The following HS3ST3A1 variants were observed in gnomAD, a reference collection of about 807,000 sequenced individuals.
HS3ST3A1 encodes the protein heparan sulfate-glucosamine 3-sulfotransferase 3A1.
In HS3ST3A1, 19 loss-of-function variants were observed where a neutral mutation model predicts 25.7. The observed-to-expected ratio is 0.74, with a 90% CI of 0.52 to 1.08. HS3ST3A1 has a LOEUF of 1.08. HS3ST3A1 is among the 50% of genes least tolerant of loss of function. The pLI is 0.00. For synonymous variants in HS3ST3A1, 226 were observed against 278.6 expected, an observed-to-expected ratio of 0.81 and a Z score of 1.88; for missense variants, 459 against 594.3, an observed-to-expected ratio of 0.77 and a Z score of 2.37.
intron 1 of HS3ST3A1, among the ~76,000 whole-genome samples, chr17:13,550,865 G>A (rs1180306067): frequency 6.6e-6 from 1 of 152,050 alleles, no homozygotes; most frequent in East Asian, 1.9e-4. Flanking sequence ...TCCGAAGATC[G>A]AGACCATCCT....
chr17:13,539,687 A>G (rs1906873555), intron 1 of HS3ST3A1, among the ~76,000 whole-genome samples: 1 of 151,882 alleles, frequency 6.6e-6, no homozygotes, highest in Admixed American at 6.6e-5. Flanking sequence ...AAGACAAAAC[A>G]CCTTATTTAT....
intron 1 of HS3ST3A1, among the ~76,000 whole-genome samples, chr17:13,521,562 A>G (rs1779296716): frequency 6.6e-6 from 1 of 152,186 alleles, no homozygotes; most frequent in Non-Finnish European, 1.5e-5. Flanking sequence ...GGACACTTAG[A>G]GAGGCATTCG....
chr17:13,508,966 T>TTA (rs1905774110), intron 1 of HS3ST3A1, among the ~76,000 whole-genome samples: 1 of 149,906 alleles, frequency 6.7e-6, no homozygotes, highest in African/African-American at 2.5e-5. Flanking sequence ...CTCTTTAATT[T>TTA]TTTTTTTTTT....
intron 1 of HS3ST3A1, among the ~76,000 whole-genome samples, chr17:13,517,798 C>G (rs1030766903): frequency 2.0e-5 from 3 of 152,246 alleles, no homozygotes; most frequent in African/African-American, 7.2e-5. Flanking sequence ...ATTACAGGCG[C>G]CTGCCACCAT....
At chr17:13,520,482 A>C (rs927607792) in intron 1 of HS3ST3A1, among the ~76,000 whole-genome samples, 7 of 152,252 alleles carry the variant, frequency 4.6e-5, no homozygotes, top group African/African-American at 1.7e-4. Context: ...GAATAGGAAC[A>C]AAAATCTAGG....
intron 1 of HS3ST3A1, among the ~76,000 whole-genome samples, chr17:13,545,359 C>T (rs947725652): frequency 6.6e-6 from 1 of 152,224 alleles, no homozygotes; most frequent in African/African-American, 2.4e-5. Flanking sequence ...ACTCTTCCCC[C>T]AGTAACTCCT....
intron 1 of HS3ST3A1, among the ~76,000 whole-genome samples, chr17:13,520,875 G>A (rs34254550): frequency 0.11 from 16,074 of 152,162 alleles, 1,032 homozygotes; most frequent in Non-Finnish European, 0.15. Context: ...ACCTCCCAAA[G>A]TGGTGGGATC....
At chr17:13,554,794 C>T (rs1376404020) in intron 1 of HS3ST3A1, among the ~76,000 whole-genome samples, 2 of 152,142 alleles carry the variant, frequency 1.3e-5, no homozygotes, top group Non-Finnish European at 2.9e-5. Context: ...GAGGATTTAA[C>T]AGATACCACC....
intron 1 of HS3ST3A1, among the ~76,000 whole-genome samples, chr17:13,510,732 T>C (rs1056062163): frequency 2.6e-5 from 4 of 151,582 alleles, no homozygotes; most frequent in African/African-American, 9.7e-5. Context: ...TTATACGAAG[T>C]CTTGCTCTGT....
At chr17:13,574,574 G>A (rs977338532) in intron 1 of HS3ST3A1, among the ~76,000 whole-genome samples, 6 of 151,754 alleles carry the variant, frequency 4.0e-5, no homozygotes, top group East Asian at 4.0e-4. Flanking sequence ...AAAAATTAGC[G>A]GGACATGGTG....
chr17:13,496,129 C>T lies in HS3ST3A1; in HGVS notation c.*68G>A, dbSNP rs1905257052. 8.5e-6 allele frequency: 12 copies of T among 1,411,108 alleles called. No individual in the cohort carries two copies. In the East Asian group the frequency reaches 1.0e-4, roughly 12 times the overall value. 87.4% of individuals were successfully genotyped at this position (1,411,108 alleles called of 1,614,324 possible). On this transcript the variant is annotated 3_prime_UTR_variant, in exon 2 of 2. Coordinates refer to ENST00000284110, the MANE Select transcript of HS3ST3A1 (RefSeq NM_006042.3). ...ATTTTCAGCACAAATATTAAACTGT[C>T]TCTTCTCTACCGATTGGTAAAAAAA...
chr17:13,581,681 A>G (rs112308323), intron 1 of HS3ST3A1, among the ~76,000 whole-genome samples: 34 of 152,310 alleles, frequency 2.2e-4, no homozygotes, highest in African/African-American at 6.7e-4. Flanking sequence ...AAGTTATGTT[A>G]TATCAATGTT....
intron 1 of HS3ST3A1, among the ~76,000 whole-genome samples, chr17:13,537,977 C>T (rs1253412434): frequency 2.6e-4 from 39 of 152,214 alleles, no homozygotes; most frequent in Admixed American, 2.5e-3. Flanking sequence ...TTGGATTTAA[C>T]GGACTTGTTC....
At chr17:13,500,253 C>T (rs1905424941) in intron 1 of HS3ST3A1, among the ~76,000 whole-genome samples, 1 of 152,170 alleles carries the variant, frequency 6.6e-6, no homozygotes, top group African/African-American at 2.4e-5. Flanking sequence ...GAGTAAGGCA[C>T]AAATTAGGTT....
At chr17:13,562,825 A>G (rs1180251959) in intron 1 of HS3ST3A1, among the ~76,000 whole-genome samples, 3 of 152,126 alleles carry the variant, frequency 2.0e-5, no homozygotes, top group Non-Finnish European at 4.4e-5. Context: ...ACCGTAAACC[A>G]TCTTATATTT....
intron 1 of HS3ST3A1, among the ~76,000 whole-genome samples, chr17:13,537,451 G>A (rs527627826): frequency 1.6e-3 from 245 of 152,234 alleles, no homozygotes; most frequent in African/African-American, 4.6e-3. Flanking sequence ...TCCGGGGGCC[G>A]CCTCCCTCTT....
At chr17:13,580,822 C>T (rs965595189) in intron 1 of HS3ST3A1, among the ~76,000 whole-genome samples, 1 of 151,958 alleles carries the variant, frequency 6.6e-6, no homozygotes, top group South Asian at 2.1e-4. Flanking sequence ...ACCCAGGAGG[C>T]GGAGGTTGTC....
chr17:13,517,594 G>T (rs962384021), intron 1 of HS3ST3A1, among the ~76,000 whole-genome samples: 2 of 151,922 alleles, frequency 1.3e-5, no homozygotes, highest in Non-Finnish European at 2.9e-5. Flanking sequence ...AGATATTGCA[G>T]AGTGAGTCAG....
intron 1 of HS3ST3A1, among the ~76,000 whole-genome samples, chr17:13,588,703 A>G (rs138173323): frequency 9.0e-6 from 1 of 111,582 alleles, no homozygotes; most frequent in African/African-American, 3.0e-5. Context: ...TTTTTTTTTT[A>G]GACGGAGTCT....
Sources: gnomAD v4.1 joint callset for allele counts (sites outside exome capture counted in the v4.1 genomes callset) on GRCh38, gnomAD v4.1.1 for gene constraint, MANE v1.5 for transcripts, NCBI Gene and HGNC (gene_info 2026-07-23, HGNC 2026-07-21) for gene names.